TOX: variants seen among roughly 807,000 people sequenced by gnomAD.
TOX encodes thymocyte selection associated high mobility group box, also known as thymocyte selection-associated high mobility group box protein TOX.
Under a neutral mutation model 53.7 loss-of-function variants are expected in TOX, and 11 were observed. The observed-to-expected ratio is 0.20, with a 90% confidence interval of 0.13 to 0.34. The LOEUF is 0.34. TOX is among the 10% of genes least tolerant of loss of function. TOX has a pLI of 1.00. For synonymous variants in TOX, 225 were observed against 245.3 expected, an observed-to-expected ratio of 0.92 and a Z score of 0.77; for missense variants, 570 against 664.6, an observed-to-expected ratio of 0.86 and a Z score of 1.56.
At chr8:58,810,567 CA>C in intron 7 of TOX, among the ~76,000 whole-genome samples, 1 of 151,598 alleles carries the variant, frequency 6.6e-6, no homozygotes, top group Non-Finnish European at 1.5e-5. Context: ...TTCCCAGGCT[CA>C]TTTCCAATTC....
intron 3 of TOX, among the ~76,000 whole-genome samples, chr8:58,885,641 C>T (rs753410181): frequency 8.5e-5 from 13 of 152,124 alleles, no homozygotes; most frequent in Non-Finnish European, 1.8e-4. Context: ...CTGTTCTTGG[C>T]TAATGTTTCT....
At chr8:59,106,084 A>G (rs1804894722) in intron 1 of TOX, among the ~76,000 whole-genome samples, 1 of 152,190 alleles carries the variant, frequency 6.6e-6, no homozygotes, top group South Asian at 2.1e-4. Flanking sequence ...GAACATTCAT[A>G]TGTTTAATAA....
chr8:59,042,424 A>G (rs541255939), intron 1 of TOX, among the ~76,000 whole-genome samples: 1 of 152,338 alleles, frequency 6.6e-6, no homozygotes, highest in East Asian at 1.9e-4. Context: ...TTTGTCAGAT[A>G]CCACCTTTGT....
chr8:58,937,324 C>T (rs1164977101), intron 3 of TOX, among the ~76,000 whole-genome samples: 1 of 152,162 alleles, frequency 6.6e-6, no homozygotes, highest in Non-Finnish European at 1.5e-5. Flanking sequence ...CATGTTGAGG[C>T]AAAATTATCA....
chr8:59,063,516 C>T (rs112028938), intron 1 of TOX, among the ~76,000 whole-genome samples: 5 of 151,266 alleles, frequency 3.3e-5, no homozygotes, highest in African/African-American at 1.2e-4. Flanking sequence ...CTCCGCCTCC[C>T]GGGTTCAAGT....
chr8:59,052,339 T>C (rs1213633106), intron 1 of TOX, among the ~76,000 whole-genome samples: 1 of 152,246 alleles, frequency 6.6e-6, no homozygotes, highest in Non-Finnish European at 1.5e-5. Context: ...TTGCAAAGCA[T>C]GCAGTGAGAT....
intron 1 of TOX, among the ~76,000 whole-genome samples, chr8:59,068,093 T>C (rs1198863603): frequency 6.6e-6 from 1 of 152,228 alleles, no homozygotes; most frequent in African/African-American, 2.4e-5. Context: ...TATCTGAAAT[T>C]ATTATTATGC....
intron 3 of TOX, among the ~76,000 whole-genome samples, chr8:58,872,673 A>G (rs1169849046): frequency 2.0e-5 from 3 of 152,154 alleles, no homozygotes; most frequent in East Asian, 1.9e-4. Context: ...ACACATGCCA[A>G]TTGAGGGACA....
At chr8:58,947,168 T>C (rs1026677119) in intron 2 of TOX, among the ~76,000 whole-genome samples, 1 of 152,126 alleles carries the variant, frequency 6.6e-6, no homozygotes, top group African/African-American at 2.4e-5. Flanking sequence ...TATTCTTCTC[T>C]AAAAACATTT....
At chr8:58,890,469 T>C (rs1047403544) in intron 3 of TOX, among the ~76,000 whole-genome samples, 1 of 152,120 alleles carries the variant, frequency 6.6e-6, no homozygotes, top group Non-Finnish European at 1.5e-5. Context: ...ATAAGAAGCG[T>C]TCATACAATG....
chr8:59,059,133 T>C (rs193160374), intron 1 of TOX, among the ~76,000 whole-genome samples: 1 of 152,330 alleles, frequency 6.6e-6, no homozygotes, highest in Non-Finnish European at 1.5e-5. Context: ...GTATTTTAAG[T>C]AGATAATGAG....
intron 1 of TOX, among the ~76,000 whole-genome samples, chr8:59,098,700 T>G (rs1040614994): frequency 2.0e-5 from 3 of 152,206 alleles, no homozygotes; most frequent in Non-Finnish European, 4.4e-5. Flanking sequence ...ATACAGCTGT[T>G]TGGCTTGCTC....
At chr8:59,070,364 A>G (rs1804173364) in intron 1 of TOX, among the ~76,000 whole-genome samples, 1 of 152,142 alleles carries the variant, frequency 6.6e-6, no homozygotes, top group African/African-American at 2.4e-5. Flanking sequence ...TATAACTGAT[A>G]CCTGGGAACA....
chr8:58,933,607 G>T (rs1812296132), intron 3 of TOX, among the ~76,000 whole-genome samples: 1 of 151,968 alleles, frequency 6.6e-6, no homozygotes, highest in Admixed American at 6.6e-5. Context: ...GACAGCCAAA[G>T]CCATGGCAAG....
intron 6 of TOX, among the ~76,000 whole-genome samples, chr8:58,822,400 C>A (rs1405463211): frequency 1.3e-5 from 2 of 152,132 alleles, no homozygotes; most frequent in East Asian, 3.8e-4. Context: ...TAAAATTGAA[C>A]AAGGTATTTT....
intron 1 of TOX, among the ~76,000 whole-genome samples, chr8:59,108,540 A>G (rs571512575): frequency 6.6e-6 from 1 of 152,274 alleles, no homozygotes; most frequent in South Asian, 2.1e-4. Context: ...TGCTGCACAA[A>G]TAGAAGCTCC....
At chr8:58,984,515 G>A (rs1236338879) in intron 1 of TOX, among the ~76,000 whole-genome samples, 1 of 152,068 alleles carries the variant, frequency 6.6e-6, no homozygotes, top group Non-Finnish European at 1.5e-5. Context: ...TAAAAAGGAC[G>A]GGCGCGGTGG....
chr8:58,956,822 G>C (rs1251579649), intron 2 of TOX, among the ~76,000 whole-genome samples: 1 of 152,124 alleles, frequency 6.6e-6, no homozygotes, highest in Admixed American at 6.5e-5. Flanking sequence ...CGCCATGTTG[G>C]CCAGGTTGGT....
intron 1 of TOX, among the ~76,000 whole-genome samples, chr8:59,083,928 T>C (rs575033320): frequency 5.3e-5 from 8 of 152,306 alleles, no homozygotes; most frequent in African/African-American, 1.7e-4. Context: ...TTAAAAATAC[T>C]GTTAGGGCAA....
Sources: allele counts gnomAD v4.1 joint callset (sites outside exome capture counted in the v4.1 genomes callset), GRCh38; gene constraint gnomAD v4.1.1; transcripts MANE v1.5; gene names NCBI Gene and HGNC (gene_info 2026-07-23, HGNC 2026-07-21).